Variants in TMC6 observed in about 807,000 individuals in gnomAD.
TMC6 encodes the protein transmembrane channel like 6.
In TMC6, 71 loss-of-function variants were observed where a neutral mutation model predicts 95.4. The observed-to-expected ratio is 0.74, with a 90% CI of 0.61 to 0.91. The LOEUF (loss-of-function observed/expected upper bound fraction) is 0.91, where lower values mean the gene tolerates loss of function less well. TMC6 is among the 40% of genes least tolerant of loss of function. TMC6 has a pLI of 0.00. For synonymous variants in TMC6, 514 were observed against 483.1 expected, an observed-to-expected ratio of 1.06 and a Z score of -0.84; for missense variants, 1,074 against 1,079.1, an observed-to-expected ratio of 1.00 and a Z score of 0.07.
chr17:78,132,158 C>A, upstream of TMC6: 2 of 1,449,932 alleles, frequency 1.4e-6, no homozygotes, highest in East Asian at 2.5e-5. Flanking sequence ...CCCCTCCCCC[C>A]TCCCACCCCT....
At chr17:78,127,962 G>C (rs554645572) in intron 1 of TMC6, among the ~76,000 whole-genome samples, 1 of 152,280 alleles carries the variant, frequency 6.6e-6, no homozygotes, top group South Asian at 2.1e-4. Flanking sequence ...CCTAACACGG[G>C]ACAGCTGCCG....
upstream of TMC6, chr17:78,131,528 G>A: frequency 6.5e-7 from 1 of 1,533,846 alleles, no homozygotes; most frequent in Middle Eastern, 2.3e-4. Flanking sequence ...TCATCCAACC[G>A]GGGACTCATA....
chr17:78,124,546 C>T lies in TMC6; in HGVS notation c.869G>A (p.Gly290Asp), dbSNP rs1228848287. Residue 290 changes from glycine to aspartate, a missense_variant, in exon 8 of 20, where the codon GGC becomes GAC. Coordinates refer to ENST00000590602, the MANE Select transcript of TMC6 (RefSeq NM_001127198.5). Reference protein sequence around the residue: ...ALPGPAPVCTGLELLTGAGCF... With the variant: ...ALPGPAPVCTDLELLTGAGCF... ...CACCGCGCCTGTGAGGAGCTCCAGG[C>T]CTGTGCAGACGGGGGCAGGGCCCGG... 23 of 1,611,682 alleles carry T rather than the reference C, an allele frequency of 1.4e-5. No individual in the cohort carries two copies. Among genetic ancestry groups the T allele is most frequent in the Non-Finnish European group, 1.9e-5 (23 of 1,179,808 alleles).
chr17:78,122,457 G>A lies in TMC6; in HGVS notation c.1227+148C>T. 4 of 1,212,968 alleles carry A rather than the reference G, an allele frequency of 3.3e-6. No homozygotes were observed. Among genetic ancestry groups the A allele is most frequent in the Middle Eastern group, 2.8e-4 (1 of 3,530 alleles). 75.1% of individuals were successfully genotyped at this position (1,212,968 alleles called of 1,614,324 possible). ...GGCCTGCCCGTCACTGCAAGCAGAA[G>A]ACCACGCCTGCCCAGCGCCCCGAGT... On this transcript the variant is annotated intron_variant, in intron 10 of 19. Transcript: ENST00000590602. The surrounding 1 kb of genome is among the most constrained non-coding windows in gnomAD (Gnocchi z 4.9).
chr17:78,119,777 G>T, intron 13 of TMC6: 1 of 396,670 alleles, frequency 2.5e-6, no homozygotes, highest in South Asian at 2.0e-5. Flanking sequence ...TGGGACTACA[G>T]GCACACACCA....
Position 78,117,785 on chromosome 17 carries a change from C to A in TMC6, c.2021+17G>T, listed in dbSNP as rs747843978. 2 of 1,600,874 alleles carry A rather than the reference C, an allele frequency of 1.2e-6. No homozygotes were observed. The highest frequency in any genetic ancestry group is 1.1e-5 in the South Asian group (1 of 89,202). On this transcript the variant is annotated intron_variant, in intron 16 of 19. Transcript: ENST00000590602. ...CCAGATGACACAGAAGGGTCTCCCT[C>A]CACCCGCCCCACTCACTGCCAGACG...
rs747635673 is a variant in TMC6 at position 78,109,572 on chromosome 17, A to C, written c.*3576T>G. On this transcript the variant is annotated 3_prime_UTR_variant, in exon 20 of 20. Coordinates refer to ENST00000590602, the MANE Select transcript of TMC6 (RefSeq NM_001127198.5). Reference sequence around the variant, plus strand: ...CCTGAGCCCAGGAGGTCGAGGCTGCAGTGAGCTGTGATCGTGCCACTGTGC... The same window carrying C: ...CCTGAGCCCAGGAGGTCGAGGCTGCCGTGAGCTGTGATCGTGCCACTGTGC... 6.6e-6 allele frequency: 3 copies of C among 455,674 alleles called. No homozygotes were observed. Among genetic ancestry groups the C allele is most frequent in the Non-Finnish European group, 1.3e-5 (3 of 226,758 alleles). 28.2% of individuals were successfully genotyped at this position (455,674 alleles called of 1,614,324 possible).
Position 78,108,327 on chromosome 17 carries a change from T to C in TMC6, c.*4821A>G, listed in dbSNP as rs2073745125. ...CTTTTGGAAATTGAGAAGGAAAGCA[T>C]TGAGTGGGACCTAATCCGGAGAAGA... is the stretch of plus-strand genomic sequence containing the variant. On this transcript the variant is annotated 3_prime_UTR_variant, in exon 20 of 20. Transcript: ENST00000590602. The C allele has an allele frequency of 6.5e-6, 1 of 154,510 alleles. No homozygotes were observed. Among genetic ancestry groups the C allele is most frequent in the African/African-American group, 2.4e-5 (1 of 41,464 alleles). 9.6% of individuals were successfully genotyped at this position (154,510 alleles called of 1,614,324 possible). A position where few individuals can be genotyped will look rare whatever the true frequency, so the allele number is the denominator to read the frequency against.
In TMC6 at chr17:78,117,391, G is replaced by A. The variant is rs375583047; in HGVS notation, c.2199-44C>T. 2.7e-4 allele frequency: 429 copies of A among 1,612,382 alleles called. 2 individuals are homozygous for A. In the South Asian group the frequency reaches 3.6e-3, roughly 14 times the overall value. On this transcript the variant is annotated intron_variant, in intron 17 of 19. Transcript: ENST00000590602. The stretch of plus-strand genomic sequence containing the variant: ...CGGGCAGGGCCCAGGGCCACAGCCC[G>A]GGAGCGGCCAGTCCCCACACGGTGC...
upstream of TMC6, chr17:78,131,549 C>T (rs1384578491): frequency 6.5e-7 from 1 of 1,537,980 alleles, no homozygotes; most frequent in Admixed American, 2.0e-5. Flanking sequence ...TCCCCCCCAC[C>T]GGCAGCCCGG....
chr17:78,114,442 C>T (rs1490581273), intron 18 of TMC6, among the ~76,000 whole-genome samples: 1 of 152,138 alleles, frequency 6.6e-6, no homozygotes, highest in Non-Finnish European at 1.5e-5. Flanking sequence ...TTCACAGGCT[C>T]CATCCAGTCT....
rs2073815438 is a variant in TMC6, at chr17:78,111,027, C to G, written c.*2121G>C. 6.6e-6 allele frequency: 1 copy of G among 152,258 alleles called. No homozygotes were observed. Among genetic ancestry groups the G allele is most frequent in the South Asian group, 2.1e-4 (1 of 4,832 alleles). 9.4% of individuals were successfully genotyped at this position (152,258 alleles called of 1,614,324 possible). On this transcript the variant is annotated 3_prime_UTR_variant, in exon 20 of 20. Transcript: ENST00000590602. Reference sequence around the variant, plus strand: ...CAGTGGGAGTGGGAAGCCGCCGTCTCAAGGCAGAATTCCCTCTCTGGGACA... The same window carrying G: ...CAGTGGGAGTGGGAAGCCGCCGTCTGAAGGCAGAATTCCCTCTCTGGGACA...
chr17:78,131,981 G>A, upstream of TMC6: 1 of 1,522,488 alleles, frequency 6.6e-7, no homozygotes, highest in Non-Finnish European at 8.8e-7. Context: ...CAGCGCAGCG[G>A]CTGGCCCGGG....
chr17:78,124,009 G>A lies in TMC6; in HGVS notation c.1062C>T (p.Thr354=). The change falls in exon 9 of 20, where the codon ACC becomes ACT. Residue 354 remains threonine (T), a synonymous_variant. Transcript: ENST00000590602. The stretch of plus-strand genomic sequence containing the variant: ...ATTACCTGTACACCAGGGTGATGCA[G>A]GTGATAAAGAAGCTCACGCCCACAG... The part of the protein sequence containing the change: ...LSTVGVSFFI[T]CITLVYSMAH... The A allele has an allele frequency of 6.2e-7, 1 of 1,613,836 alleles. No homozygotes were observed. The highest frequency in any genetic ancestry group is 8.5e-7 in the Non-Finnish European group (1 of 1,179,986).
rs750815124 is a variant in TMC6 at position 78,123,995 on chromosome 17, A to G, written c.1076T>C (p.Val359Ala). The G allele has an allele frequency of 6.2e-7, 1 of 1,613,788 alleles. No homozygotes were observed. Among genetic ancestry groups the G allele is most frequent in the Non-Finnish European group, 8.5e-7 (1 of 1,179,968 alleles). Residue 359 changes from valine (V) to alanine (A), a missense_variant, in exon 9 of 20, where the codon GTG (valine) becomes GCG (alanine). Val to Ala is a moderately conservative substitution (Grantham distance 64). Transcript: ENST00000590602. ...VSFFITCITL[V>A]YSMAHSFGES... is the part of the protein sequence containing the mutation. ...CATGAGGTGGAGGCATTACCTGTAC[A>G]CCAGGGTGATGCAGGTGATAAAGAA...
In TMC6 at chr17:78,113,033, C is replaced by CGGCTTTCGAGAGGCGAAACTGT; in HGVS notation, c.*93_*114dup. The stretch of plus-strand genomic sequence containing the variant: ...TCCAGCTCCAGCCTAGGCGCAGCTG[C>CGGCTTTCGAGAGGCGAAACTGT]GGCTTTCGAGAGGCGAAACTGTCTT... On this transcript the variant is annotated 3_prime_UTR_variant, in exon 20 of 20. Coordinates refer to ENST00000590602, the MANE Select transcript of TMC6 (RefSeq NM_001127198.5). The CGGCTTTCGAGAGGCGAAACTGT allele has an allele frequency of 7.8e-7, 1 of 1,274,566 alleles. No homozygotes were observed. Among genetic ancestry groups the CGGCTTTCGAGAGGCGAAACTGT allele is most frequent in the Non-Finnish European group, 1.1e-6 (1 of 903,816 alleles). 79.0% of individuals were successfully genotyped at this position (1,274,566 alleles called of 1,614,324 possible).
chr17:78,132,328 C>T (rs767017214), upstream of TMC6: 2 of 1,611,732 alleles, frequency 1.2e-6, no homozygotes, highest in African/African-American at 1.3e-5. Context: ...CGGCCCCGGC[C>T]TCCCTGACCC....
rs1360677431 is a variant in TMC6 at position 78,109,495 on chromosome 17, G to A, written c.*3653C>T. 2.2e-6 allele frequency: 1 copy of A among 456,722 alleles called. No homozygotes were observed. Among genetic ancestry groups the A allele is most frequent in the Non-Finnish European group, 4.4e-6 (1 of 226,984 alleles). 28.3% of individuals were successfully genotyped at this position (456,722 alleles called of 1,614,324 possible). On this transcript the variant is annotated 3_prime_UTR_variant, in exon 20 of 20. Transcript: ENST00000590602. ...CAAGTGTAGTATGCCTGGGCCCCAGGTCATCATGAAAACCAGAAGCAGACA... is the reference window on the plus strand; with the variant it reads ...CAAGTGTAGTATGCCTGGGCCCCAGATCATCATGAAAACCAGAAGCAGACA...
At chr17:78,131,632 TGCCGGA>T, upstream of TMC6, 1 of 1,553,842 alleles carries the variant, frequency 6.4e-7, no homozygotes, top group Non-Finnish European at 8.7e-7. Flanking sequence ...GCCCCTGGGG[TGCCGGA>T]GCCGGAGGAG....
Sources: allele counts gnomAD v4.1 joint callset (sites outside exome capture counted in the v4.1 genomes callset), GRCh38; gene constraint gnomAD v4.1.1; non-coding constraint Gnocchi (gnomAD v3.1); transcripts MANE v1.5; gene names NCBI Gene and HGNC (gene_info 2026-07-23, HGNC 2026-07-21).